The following OTOA variants were observed in gnomAD, a reference collection of about 807,000 sequenced individuals.
The protein encoded by OTOA is otoancorin.
Under a neutral mutation model 110.8 loss-of-function variants are expected in OTOA, and 70 were observed. The observed-to-expected ratio is 0.63, with a 90% confidence interval of 0.52 to 0.77. OTOA has a LOEUF of 0.77. OTOA is among the 30% of genes least tolerant of loss of function. The pLI, the probability that OTOA is intolerant of heterozygous loss-of-function variation, is 0.00. For missense variants in OTOA, 917 were observed against 1,075.8 expected (o/e 0.85, Z 2.06); for synonymous variants, 373 against 431.5 (o/e 0.86, Z 1.68).
In OTOA at chr16:21,689,689, AT is replaced by A. The variant is rs879741488; in HGVS notation, c.636-1882del. 1.7e-3 allele frequency among the ~76,000 whole-genome samples: 248 copies of A among 144,974 alleles called. 2 individuals carry two copies. Among genetic ancestry groups the A allele is most frequent in the South Asian group, 0.012 (52 of 4,518 alleles). ...CTGAATTGTGCACTTTATTTATGTA[AT>A]TTTTTTTTTTTTGAGACAGAGTTTC... is the stretch of plus-strand genomic sequence containing the variant. On this transcript the variant is annotated intron_variant, in intron 8 of 28. Transcript: ENST00000646100.
chr16:21,708,057 C>T (rs1267692871), intron 12 of OTOA, among the ~76,000 whole-genome samples: 1 of 152,004 alleles, frequency 6.6e-6, no homozygotes, highest in Non-Finnish European at 1.5e-5. Context: ...TCTTAAAGTA[C>T]TGGGACTACA....
At chr16:21,707,645 C>CTTTCT (rs1299764390) in intron 12 of OTOA, among the ~76,000 whole-genome samples, 7 of 104,124 alleles carry the variant, frequency 6.7e-5, no homozygotes, top group Non-Finnish European at 1.5e-4. Context: ...TTCTTTCTTT[C>CTTTCT]TTTCTTTCTT....
At chr16:21,697,684 T>G (rs1897970912) in intron 9 of OTOA, 91 bp from the exon 10 acceptor site, 1 of 1,170,756 alleles carries the variant, frequency 8.5e-7, no homozygotes, top group Non-Finnish European at 1.3e-6. Flanking sequence ...AAGTAGGTCT[T>G]GACAGCAAAG....
At chr16:21,754,097 TA>T (rs1313517485) in intron 27 of OTOA, among the ~76,000 whole-genome samples, 4 of 137,996 alleles carry the variant, frequency 2.9e-5, no homozygotes, top group Non-Finnish European at 6.2e-5. Context: ...TATATATATA[TA>T]TTTTTAGTTG....
intron 13 of OTOA, among the ~76,000 whole-genome samples, 172 bp downstream of exon 13, chr16:21,710,275 T>G (rs950372037): frequency 6.6e-6 from 1 of 152,094 alleles, no homozygotes; most frequent in African/African-American, 2.4e-5. Flanking sequence ...GAAAGGTAGG[T>G]TTCATTCTGA....
At chr16:21,665,733 T>C (rs1180704891) in intron 1 of OTOA, among the ~76,000 whole-genome samples, 2 of 152,096 alleles carry the variant, frequency 1.3e-5, no homozygotes, top group Non-Finnish European at 2.9e-5. Flanking sequence ...AGAAGGGGAA[T>C]AGCTGTGCCT....
At chr16:21,698,195 C>T (rs2141673039) in intron 10 of OTOA, among the ~76,000 whole-genome samples, 1 of 152,280 alleles carries the variant, frequency 6.6e-6, no homozygotes. Flanking sequence ...TATTTTTGTA[C>T]TGGAGAAGGC....
rs144127049 is a variant in OTOA at position 21,671,308 on chromosome 16, C to A, written c.-5+7076C>A. Among the ~76,000 whole-genome samples the A allele has an allele frequency of 2.4e-3, 369 of 151,988 alleles. 2 individuals carry two copies. The highest frequency in any genetic ancestry group is 7.9e-3 in the African/African-American group (327 of 41,456). Reference sequence around the variant, plus strand: ...AGAGATTAAGAAACTCGTCCAAGGCCGGGCTCAGTGGCTCACACCTGTAAT... The same window carrying A: ...AGAGATTAAGAAACTCGTCCAAGGCAGGGCTCAGTGGCTCACACCTGTAAT... On this transcript the variant is annotated intron_variant, in intron 1 of 28. Transcript: ENST00000646100.
chr16:21,731,619 G>A (rs368566388), intron 21 of OTOA, among the ~76,000 whole-genome samples: 6 of 152,322 alleles, frequency 3.9e-5, no homozygotes, highest in Middle Eastern at 3.4e-3. Flanking sequence ...AAGTTGGCAC[G>A]CTGTCACTTC....
At chr16:21,728,505 GC>G in intron 20 of OTOA, 74 bp downstream of exon 20, 2 of 1,515,570 alleles carry the variant, frequency 1.3e-6, no homozygotes, top group South Asian at 2.3e-5. Flanking sequence ...TGGCTCTCCT[GC>G]CCTGCAAACA....
At chr16:21,708,500 T>C (rs1352876769) in intron 12 of OTOA, among the ~76,000 whole-genome samples, 1 of 151,938 alleles carries the variant, frequency 6.6e-6, no homozygotes, top group East Asian at 1.9e-4. Flanking sequence ...ATTCAGGAGG[T>C]CCGGGAGCAG....
At chr16:21,710,746 C>T (rs1043625969) in intron 13 of OTOA, among the ~76,000 whole-genome samples, 7 of 152,112 alleles carry the variant, frequency 4.6e-5, no homozygotes, top group African/African-American at 7.2e-5. Context: ...CTCACACCTG[C>T]AATCCCAGCA....
chr16:21,716,903 G>T lies in OTOA; in HGVS notation c.1489-4G>T. The T allele has an allele frequency of 6.2e-7, 1 of 1,613,792 alleles. No individual in the cohort carries two copies. Among genetic ancestry groups the T allele is most frequent in the East Asian group, 2.2e-5 (1 of 44,842 alleles). On this transcript the variant is annotated splice_region_variant and splice_polypyrimidine_tract_variant and intron_variant, in intron 14 of 28. Transcript: ENST00000646100. ...GTTGTTTTGTTGCTTCTCGCTTCTG[G>T]CAGATGGTCCAAGCGGAAGACACTG...
chr16:21,713,128 T>C (rs958160792), intron 13 of OTOA, among the ~76,000 whole-genome samples: 3 of 152,048 alleles, frequency 2.0e-5, no homozygotes, highest in Non-Finnish European at 4.4e-5. Flanking sequence ...TACGCCGGGC[T>C]GATTTTTGTA....
At position 21,697,488 on chromosome 16, in the gene OTOA, C is replaced by T. The variant is rs150034930; in HGVS notation, c.740-287C>T. 0.017 allele frequency among the ~76,000 whole-genome samples: 2,546 copies of T among 152,110 alleles called. 67 individuals are homozygous for T. The highest frequency in any genetic ancestry group is 0.058 in the African/African-American group (2,418 of 41,476). ...TCTCTACTAAAAATACAAAAATTAG[C>T]TGGGCATGGTGGTGGGTGCCTGTAA... On this transcript the variant is annotated intron_variant, in intron 9 of 28. Transcript: ENST00000646100.
At chr16:21,665,817 C>T (rs557258548) in intron 1 of OTOA, among the ~76,000 whole-genome samples, 1 of 152,058 alleles carries the variant, frequency 6.6e-6, no homozygotes, top group Non-Finnish European at 1.5e-5. Context: ...AAGCTCCCAT[C>T]CCCTTGACTG....
intron 12 of OTOA, among the ~76,000 whole-genome samples, chr16:21,707,598 T>TTTCTTTCTTTCA (rs1898208308): frequency 1.1e-4 from 4 of 37,818 alleles, no homozygotes; most frequent in African/African-American, 1.8e-4. Context: ...CTTCCTTTTC[T>TTTCTTTCTTTCA]TTCTTTCTTT....
intron 18 of OTOA, 145 bp from the exon 19 acceptor site, chr16:21,726,378 G>A: frequency 8.8e-7 from 1 of 1,132,620 alleles, no homozygotes; most frequent in Non-Finnish European, 1.3e-6. Context: ...CTTGCTACCT[G>A]CTGCAGGGAG....
In OTOA at chr16:21,700,736, A is replaced by G. The variant is rs1447775174; in HGVS notation, c.841-152A>G. 5.1e-6 allele frequency: 5 copies of G among 971,504 alleles called. No individual in the cohort carries two copies. In the Admixed American group the frequency reaches 1.3e-4, roughly 25 times the overall value. 60.2% of individuals were successfully genotyped at this position (971,504 alleles called of 1,614,324 possible). A position where few individuals can be genotyped will look rare whatever the true frequency, so the allele number is the denominator to read the frequency against. ...TGAGACTCCATCTCAAAAAAAAAAA[A>G]AAAGAAAAGAAAAAAAGACATCAAT... On this transcript the variant is annotated intron_variant, in intron 10 of 28. Transcript: ENST00000646100.
Sources: allele counts gnomAD v4.1 joint callset (sites outside exome capture counted in the v4.1 genomes callset), GRCh38; gene constraint gnomAD v4.1.1; transcripts MANE v1.5; gene names NCBI Gene and HGNC (gene_info 2026-07-23, HGNC 2026-07-21).